The following MAP3K20 variants were observed in gnomAD, a reference collection of about 807,000 sequenced individuals.
The protein encoded by MAP3K20 is HCCS-4.
Under a neutral mutation model 85.7 loss-of-function variants are expected in MAP3K20, and 40 were observed. The observed-to-expected ratio is 0.47, with a 90% CI of 0.36 to 0.61. The LOEUF (loss-of-function observed/expected upper bound fraction) is 0.61. Among genes scored for constraint, MAP3K20 ranks in the 20% least tolerant of loss-of-function variants. The pLI, the probability that MAP3K20 is intolerant of heterozygous loss-of-function variation, is 0.00. For missense variants in MAP3K20, 817 were observed against 961.7 expected, an observed-to-expected ratio of 0.85 and a Z score of 1.99; for synonymous variants, 325 against 327.7, an observed-to-expected ratio of 0.99 and a Z score of 0.09.
chr2:173,214,037 T>C (rs1445321080), intron 10 of MAP3K20, among the ~76,000 whole-genome samples: 1 of 152,204 alleles, frequency 6.6e-6, no homozygotes, highest in African/African-American at 2.4e-5. Flanking sequence ...ATTCCAATCC[T>C]GCTGTGGTGT....
At chr2:173,222,357 G>GC in intron 11 of MAP3K20, 2 of 985,890 alleles carry the variant, frequency 2.0e-6, no homozygotes, top group Non-Finnish European at 2.4e-6. Context: ...TAAAGCCTGA[G>GC]CAGTGTTCTC....
intron 1 of MAP3K20, among the ~76,000 whole-genome samples, chr2:173,090,226 G>A (rs1687254160): frequency 6.6e-6 from 1 of 152,164 alleles, no homozygotes; most frequent in Non-Finnish European, 1.5e-5. Context: ...CCACTTACCT[G>A]GAGAATAGTA....
intron 16 of MAP3K20, among the ~76,000 whole-genome samples, chr2:173,247,328 A>T (rs1031614258): frequency 2.6e-4 from 38 of 146,328 alleles, no homozygotes; most frequent in African/African-American, 9.5e-4. Context: ...AAAAACTGTC[A>T]AATAGGGCTT....
At chr2:173,233,774 C>T (rs950111756) in intron 14 of MAP3K20, among the ~76,000 whole-genome samples, 3 of 152,176 alleles carry the variant, frequency 2.0e-5, no homozygotes, top group Admixed American at 6.5e-5. Context: ...CCAAAGAGAG[C>T]CCATTCATTT....
chr2:173,250,912 T>C (rs2106347193), intron 16 of MAP3K20, among the ~76,000 whole-genome samples: 1 of 152,332 alleles, frequency 6.6e-6, no homozygotes, highest in Middle Eastern at 3.4e-3. Flanking sequence ...TGTATTATCT[T>C]TTTTTAAAGG....
intron 2 of MAP3K20, among the ~76,000 whole-genome samples, chr2:173,118,800 C>T (rs773781727): frequency 6.6e-6 from 1 of 152,060 alleles, no homozygotes; most frequent in Non-Finnish European, 1.5e-5. Flanking sequence ...TAACTGTCTT[C>T]TTTCACTCGA....
chr2:173,139,128 T>C (rs1688894026), intron 2 of MAP3K20, among the ~76,000 whole-genome samples: 1 of 152,230 alleles, frequency 6.6e-6, no homozygotes, highest in African/African-American at 2.4e-5. Context: ...ATTATTTCCT[T>C]GCAAATGATG....
At chr2:173,110,460 T>C (rs1687938940) in intron 2 of MAP3K20, among the ~76,000 whole-genome samples, 1 of 150,682 alleles carries the variant, frequency 6.6e-6, no homozygotes. Flanking sequence ...GGGGTACAGG[T>C]GGTATTTGGT....
intron 3 of MAP3K20, among the ~76,000 whole-genome samples, chr2:173,176,231 A>C (rs943659943): frequency 6.6e-6 from 1 of 152,124 alleles, no homozygotes; most frequent in Non-Finnish European, 1.5e-5. Flanking sequence ...GAAATGCCTC[A>C]GTTTTCCTAC....
intron 16 of MAP3K20, among the ~76,000 whole-genome samples, chr2:173,253,620 T>A (rs16861442): frequency 0.21 from 31,343 of 152,020 alleles, 4,660 homozygotes; most frequent in East Asian, 0.57. Flanking sequence ...TGAGATGGTT[T>A]TGAAAAAGGA....
intron 2 of MAP3K20, among the ~76,000 whole-genome samples, chr2:173,091,980 C>CAAATTATTTG (rs1687314149): frequency 6.6e-6 from 1 of 152,206 alleles, no homozygotes; most frequent in African/African-American, 2.4e-5. Flanking sequence ...TCTATTTACG[C>CAAATTATTTG]CCTGTTTTGG....
intron 14 of MAP3K20, among the ~76,000 whole-genome samples, chr2:173,237,356 C>T (rs991832889): frequency 3.3e-5 from 5 of 151,970 alleles, no homozygotes; most frequent in African/African-American, 1.2e-4. Flanking sequence ...TGTGTTTGTC[C>T]CTCCCTTTAA....
At chr2:173,142,436 C>T (rs1689003369) in intron 2 of MAP3K20, among the ~76,000 whole-genome samples, 1 of 150,982 alleles carries the variant, frequency 6.6e-6, no homozygotes, top group African/African-American at 2.4e-5. Flanking sequence ...CGTGCCACTG[C>T]ACTCCAGCCT....
At chr2:173,239,684 A>T (rs1481079668) in intron 16 of MAP3K20, among the ~76,000 whole-genome samples, 188 bp downstream of exon 16, 2 of 152,190 alleles carry the variant, frequency 1.3e-5, no homozygotes, top group African/African-American at 4.8e-5. Flanking sequence ...TAGGAATCTT[A>T]CTTTCTCAGT....
At position 173,103,589 on chromosome 2, in the gene MAP3K20, G is replaced by A. The variant is rs185568680; in HGVS notation, c.159+12399G>A. ...GAAATCTCTCTCACCTAAATGTAAG[G>A]TGAGGAAATAGAAAAAAATTAACAT... On this transcript the variant is annotated intron_variant, in intron 2 of 19. Transcript: ENST00000375213. Among the ~76,000 whole-genome samples the A allele has an allele frequency of 7.9e-5, 12 of 152,264 alleles. No homozygotes were observed. The East Asian group carries it at 2.3e-3, about 29-fold the overall frequency.
chr2:173,170,383 A>G (rs1689966665), intron 3 of MAP3K20, among the ~76,000 whole-genome samples: 1 of 152,250 alleles, frequency 6.6e-6, no homozygotes. Context: ...AAATTATCAC[A>G]TAATTTGGAG....
At chr2:173,196,271 G>C (rs930496725) in intron 7 of MAP3K20, among the ~76,000 whole-genome samples, 2 of 152,154 alleles carry the variant, frequency 1.3e-5, no homozygotes, top group African/African-American at 4.8e-5. Flanking sequence ...CTGTGGAGTG[G>C]TAATTGCAGC....
chr2:173,138,124 A>C (rs751523825), intron 2 of MAP3K20, among the ~76,000 whole-genome samples: 1 of 151,614 alleles, frequency 6.6e-6, no homozygotes, highest in Non-Finnish European at 1.5e-5. Flanking sequence ...CCCGCCACCC[A>C]ACCCAGCTAA....
intron 2 of MAP3K20, among the ~76,000 whole-genome samples, chr2:173,092,473 G>A (rs2106149597): frequency 6.6e-6 from 1 of 152,276 alleles, no homozygotes; most frequent in South Asian, 2.1e-4. Context: ...CCCATTTTAT[G>A]GATTGGGAAA....
Sources: gnomAD v4.1 joint callset for allele counts (sites outside exome capture counted in the v4.1 genomes callset) on GRCh38, gnomAD v4.1.1 for gene constraint, MANE v1.5 for transcripts, NCBI Gene and HGNC (gene_info 2026-07-23, HGNC 2026-07-21) for gene names.